The following ROBO2 variants were observed in gnomAD, a reference collection of about 807,000 sequenced individuals.
ROBO2 encodes roundabout homolog 2.
In ROBO2, 53 loss-of-function variants were observed where a neutral mutation model predicts 160.8. The observed-to-expected ratio is 0.33, with a 90% CI of 0.26 to 0.41. The LOEUF is 0.41. Ranked by LOEUF, ROBO2 falls within the 10% of genes least tolerant of loss-of-function variation. The pLI is 1.00. For missense variants in ROBO2, 1,577 were observed against 1,722.4 expected (o/e 0.92, Z 1.49); for synonymous variants, 664 against 611.7 (o/e 1.09, Z -1.26).
intron 2 of ROBO2, among the ~76,000 whole-genome samples, chr3:76,143,333 G>T (rs1349662714): frequency 6.6e-6 from 1 of 151,980 alleles, no homozygotes; most frequent in East Asian, 1.9e-4. Context: ...GCCTGACTTA[G>T]CTGGGCATTT....
chr3:76,227,959 T>C (rs1704392140), intron 2 of ROBO2, among the ~76,000 whole-genome samples: 1 of 152,226 alleles, frequency 6.6e-6, no homozygotes, highest in Non-Finnish European at 1.5e-5. Context: ...TTTGATAATA[T>C]GCCTAATATA....
intron 2 of ROBO2, among the ~76,000 whole-genome samples, chr3:77,384,289 T>G (rs2073873443): frequency 6.6e-6 from 1 of 152,172 alleles, no homozygotes; most frequent in Non-Finnish European, 1.5e-5. Flanking sequence ...CTGATTAAGC[T>G]TAGTCCTCAA....
chr3:76,201,989 C>T (rs1386478511), intron 2 of ROBO2, among the ~76,000 whole-genome samples: 1 of 150,584 alleles, frequency 6.6e-6, no homozygotes, highest in Non-Finnish European at 1.5e-5. Flanking sequence ...CAAACAAGAA[C>T]ATGATCCAAG....
chr3:76,555,414 GAAGAAA>G (rs1560141420), intron 2 of ROBO2, among the ~76,000 whole-genome samples: 17 of 68,146 alleles, frequency 2.5e-4, no homozygotes, highest in African/African-American at 5.1e-4. Flanking sequence ...AGAAGAAGAA[GAAGAAA>G]GAAGGAGAAG....
chr3:77,459,297 T>A (rs558721671), intron 2 of ROBO2, among the ~76,000 whole-genome samples: 1 of 152,350 alleles, frequency 6.6e-6, no homozygotes, highest in Non-Finnish European at 1.5e-5. Context: ...ACCCATATAT[T>A]GAGTAAACTC....
intron 2 of ROBO2, among the ~76,000 whole-genome samples, chr3:76,118,128 G>T (rs979628204): frequency 6.6e-6 from 1 of 151,842 alleles, no homozygotes; most frequent in Non-Finnish European, 1.5e-5. Flanking sequence ...ATGTACCCTA[G>T]AACTTAAAGT....
intron 2 of ROBO2, among the ~76,000 whole-genome samples, chr3:76,987,709 C>T (rs1036162064): frequency 1.3e-5 from 2 of 152,078 alleles, no homozygotes; most frequent in African/African-American, 2.4e-5. Context: ...CCTTTCAAAA[C>T]GACCCATCAG....
chr3:76,789,822 C>A (rs2063234451), intron 2 of ROBO2, among the ~76,000 whole-genome samples: 1 of 151,572 alleles, frequency 6.6e-6, no homozygotes, highest in Non-Finnish European at 1.5e-5. Flanking sequence ...CAAGGGCTCA[C>A]ACACAAAAAT....
chr3:77,539,074 C>T (rs1490117642), intron 6 of ROBO2, among the ~76,000 whole-genome samples: 1 of 152,084 alleles, frequency 6.6e-6, no homozygotes, highest in African/African-American at 2.4e-5. Flanking sequence ...CACCCTGCCA[C>T]GCCCAGCTAA....
intron 2 of ROBO2, among the ~76,000 whole-genome samples, chr3:76,248,507 G>A (rs184693324): frequency 6.9e-6 from 1 of 144,648 alleles, no homozygotes; most frequent in Non-Finnish European, 1.5e-5. Flanking sequence ...CGGGGGAGGG[G>A]GGAGGGATAG....
intron 2 of ROBO2, among the ~76,000 whole-genome samples, chr3:76,465,113 T>A (rs938178729): frequency 1.3e-5 from 2 of 152,146 alleles, no homozygotes; most frequent in Non-Finnish European, 1.5e-5. Flanking sequence ...ATTTACTACA[T>A]GAATCATAAT....
chr3:76,677,367 G>A (rs1193205586), intron 2 of ROBO2, among the ~76,000 whole-genome samples: 1 of 152,178 alleles, frequency 6.6e-6, no homozygotes, highest in Non-Finnish European at 1.5e-5. Flanking sequence ...AGGTGCACAA[G>A]AGAAGTTAAA....
Position 76,799,208 on chromosome 3 carries a change from C to T in ROBO2, c.110-298806C>T, listed in dbSNP as rs191928659. 7.8e-3 allele frequency among the ~76,000 whole-genome samples: 1,161 copies of T among 148,506 alleles called. 11 individuals carry two copies. Among genetic ancestry groups the T allele is most frequent in the Middle Eastern group, 0.052 (15 of 288 alleles). On this transcript the variant is annotated intron_variant, in intron 2 of 26. Coordinates refer to the ROBO2 transcript ENST00000487694. ...CAGCCTGGGCGACAGAGTGAGACTC[C>T]GTCTCAAAAAAAACAAAAACAAAAC...
chr3:77,335,657 A>G (rs1205921947), intron 2 of ROBO2, among the ~76,000 whole-genome samples: 1 of 152,196 alleles, frequency 6.6e-6, no homozygotes, highest in African/African-American at 2.4e-5. Flanking sequence ...AGCTCTCGCT[A>G]CGAGTCATTA....
intron 2 of ROBO2, among the ~76,000 whole-genome samples, chr3:76,815,803 T>C (rs953429041): frequency 1.3e-5 from 2 of 152,046 alleles, no homozygotes; most frequent in African/African-American, 2.4e-5. Flanking sequence ...TAGGCTTCAG[T>C]CCATTGTTCC....
intron 2 of ROBO2, among the ~76,000 whole-genome samples, chr3:76,498,514 A>G (rs1484462966): frequency 5.9e-5 from 9 of 151,922 alleles, no homozygotes; most frequent in Non-Finnish European, 8.8e-5. Flanking sequence ...AGCTGTATTT[A>G]GAAATTATAT....
chr3:76,111,315 C>G (rs1458708107), intron 2 of ROBO2, among the ~76,000 whole-genome samples: 1 of 152,022 alleles, frequency 6.6e-6, no homozygotes, highest in African/African-American at 2.4e-5. Context: ...CCAGCAGAAG[C>G]TAGGAAGAGT....
intron 2 of ROBO2, among the ~76,000 whole-genome samples, chr3:76,654,866 C>T (rs1263150711): frequency 7.0e-6 from 1 of 142,588 alleles, no homozygotes; most frequent in East Asian, 2.0e-4. Context: ...CACACACGTA[C>T]ATATATGTGT....
At chr3:76,507,748 AG>A (rs1215060808) in intron 2 of ROBO2, among the ~76,000 whole-genome samples, 4 of 151,962 alleles carry the variant, frequency 2.6e-5, no homozygotes, top group Admixed American at 2.6e-4. Context: ...TAACTCATAA[AG>A]GTCATGTACC....
Sources: allele counts gnomAD v4.1 joint callset (sites outside exome capture counted in the v4.1 genomes callset), GRCh38; gene constraint gnomAD v4.1.1; transcripts MANE v1.5; gene names NCBI Gene and HGNC (gene_info 2026-07-23, HGNC 2026-07-21).